Variants in TRAPPC3 observed in about 807,000 individuals in gnomAD.
TRAPPC3 encodes the protein trafficking protein particle complex 3.
Under a neutral mutation model 18.2 loss-of-function variants are expected in TRAPPC3, and 5 were observed. The observed-to-expected ratio is 0.28, with a 90% CI of 0.14 to 0.58. The LOEUF is 0.58. TRAPPC3 is among the 20% of genes least tolerant of loss of function. The pLI is 0.91. For synonymous variants in TRAPPC3, 65 were observed against 84.2 expected (o/e 0.77, Z 1.25); for missense variants, 176 against 225.9 (o/e 0.78, Z 1.41).
chr1:36,147,846 C>G (rs1286620609), intron 1 of TRAPPC3, among the ~76,000 whole-genome samples: 1 of 152,058 alleles, frequency 6.6e-6, no homozygotes, highest in Non-Finnish European at 1.5e-5. Flanking sequence ...CCTTACTTCA[C>G]TGAAACGAAG....
At chr1:36,155,041 T>G (rs1422674214) in intron 1 of TRAPPC3, among the ~76,000 whole-genome samples, 1 of 152,150 alleles carries the variant, frequency 6.6e-6, no homozygotes, top group African/African-American at 2.4e-5. Context: ...CTGGAGCTGC[T>G]TAAAGGAAGG....
chr1:36,137,347 G>C (rs746494667), intron 4 of TRAPPC3, 25 bp from the exon 5 acceptor site: 12 of 1,598,590 alleles, frequency 7.5e-6, no homozygotes, highest in African/African-American at 1.3e-5. Flanking sequence ...GAAAACGAAG[G>C]GGTAGCTGCC....
chr1:36,153,887 C>A (rs1644290823), upstream of TRAPPC3, among the ~76,000 whole-genome samples: 1 of 152,228 alleles, frequency 6.6e-6, no homozygotes, highest in Non-Finnish European at 1.5e-5. Context: ...TCTTCAACAG[C>A]TCCCCATGCT....
intron 4 of TRAPPC3, 165 bp downstream of exon 4, chr1:36,137,631 T>A (rs1000030864): frequency 5.3e-6 from 4 of 754,970 alleles, no homozygotes; most frequent in African/African-American, 1.8e-5. Flanking sequence ...AGTATCACCA[T>A]GTAAAGATGT....
intron 1 of TRAPPC3, 180 bp from the exon 2 acceptor site, chr1:36,140,346 G>A: frequency 2.2e-6 from 1 of 459,978 alleles, no homozygotes; most frequent in Non-Finnish European, 3.8e-6. Flanking sequence ...CAGCAGGGCT[G>A]CAGCCAGAAC....
At position 36,136,696 on chromosome 1, in the gene TRAPPC3, G is replaced by C. The variant is rs1046968698; in HGVS notation, c.*507C>G. On this transcript the variant is annotated 3_prime_UTR_variant, in exon 5 of 5. Coordinates refer to ENST00000373166, the MANE Select transcript of TRAPPC3 (RefSeq NM_014408.5). ...GGAATGAGACCTGGGTGGCTTCCCA[G>C]AAGTCAGTGTTTCCGGCATGACTGG... is the stretch of plus-strand genomic sequence containing the variant. 2 of 152,754 alleles carry C rather than the reference G, an allele frequency of 1.3e-5. No homozygotes were observed. The highest frequency in any genetic ancestry group is 2.4e-5 in the African/African-American group (1 of 41,454). The allele number at this position is 152,754 out of a possible 1,614,324, so 9.5% of individuals were successfully genotyped here.
chr1:36,140,037 T>C (rs1644084483), intron 2 of TRAPPC3, 32 bp downstream of exon 2: 2 of 1,555,928 alleles, frequency 1.3e-6, no homozygotes, highest in East Asian at 2.2e-5. Flanking sequence ...GGAGGCCCCA[T>C]TTCTGTCTCT....
At chr1:36,150,263 C>CGCATAAAAG (rs1391652511), upstream of TRAPPC3, among the ~76,000 whole-genome samples, 1 of 152,196 alleles carries the variant, frequency 6.6e-6, no homozygotes, top group Non-Finnish European at 1.5e-5. Flanking sequence ...AGCACTTGGG[C>CGCATAAAAG]GCATAAAAGG....
chr1:36,154,648 C>T (rs950371860), intron 1 of TRAPPC3, among the ~76,000 whole-genome samples: 3 of 152,170 alleles, frequency 2.0e-5, no homozygotes, highest in African/African-American at 7.2e-5. Flanking sequence ...TCATCAATGC[C>T]TTCATCACCA....
At chr1:36,150,213 T>C (rs1644258158), upstream of TRAPPC3, among the ~76,000 whole-genome samples, 1 of 152,136 alleles carries the variant, frequency 6.6e-6, no homozygotes, top group Non-Finnish European at 1.5e-5. Context: ...TTGCTAAATC[T>C]CTCTCAGTTG....
chr1:36,149,669 C>G (rs966101801), upstream of TRAPPC3, among the ~76,000 whole-genome samples: 1 of 152,260 alleles, frequency 6.6e-6, no homozygotes. Context: ...CTGGTAGAGC[C>G]CAGCTTGCGC....
At chr1:36,144,309 A>AAAAAAAAG (rs1553181270) in intron 1 of TRAPPC3, among the ~76,000 whole-genome samples, 41 of 143,732 alleles carry the variant, frequency 2.9e-4, no homozygotes, top group African/African-American at 1.1e-3. Context: ...AAAAAAAAAA[A>AAAAAAAAG]GGGAGGGCAA....
At chr1:36,143,572 C>G (rs1208925816) in intron 1 of TRAPPC3, among the ~76,000 whole-genome samples, 1 of 152,192 alleles carries the variant, frequency 6.6e-6, no homozygotes, top group Admixed American at 6.5e-5. Context: ...TCATAAAGGT[C>G]AACCAGCCCA....
At chr1:36,147,856 G>A (rs1008634433) in intron 1 of TRAPPC3, among the ~76,000 whole-genome samples, 1 of 152,102 alleles carries the variant, frequency 6.6e-6, no homozygotes, top group Non-Finnish European at 1.5e-5. Flanking sequence ...CTGAAACGAA[G>A]AATACTGGGG....
chr1:36,139,543 C>T (rs1401273066), intron 3 of TRAPPC3, 177 bp downstream of exon 3: 1 of 768,828 alleles, frequency 1.3e-6, no homozygotes, highest in Non-Finnish European at 2.0e-6. Flanking sequence ...CTTTAATCCA[C>T]AGGGATTAAA....
upstream of TRAPPC3, among the ~76,000 whole-genome samples, chr1:36,151,909 G>T (rs1198294337): frequency 2.0e-5 from 3 of 152,156 alleles, no homozygotes; most frequent in African/African-American, 7.2e-5. Context: ...ACAGGGAGGG[G>T]CAGCTGGCAT....
intron 1 of TRAPPC3, among the ~76,000 whole-genome samples, chr1:36,146,244 A>C (rs1644196883): frequency 6.8e-6 from 1 of 146,778 alleles, no homozygotes; most frequent in South Asian, 2.2e-4. Context: ...ACACCCAGCT[A>C]ATTTTTGTAT....
intron 1 of TRAPPC3, chr1:36,149,025 C>T: frequency 4.0e-6 from 5 of 1,261,482 alleles, no homozygotes; most frequent in Non-Finnish European, 4.1e-6. Context: ...GATGCTGTAA[C>T]GTGCGTGGCC....
chr1:36,150,951 C>T (rs566437668), upstream of TRAPPC3, among the ~76,000 whole-genome samples: 1 of 152,312 alleles, frequency 6.6e-6, no homozygotes, highest in East Asian at 1.9e-4. Context: ...TGCCGGCTGC[C>T]CTTGGCTGCC....
Sources: allele counts gnomAD v4.1 joint callset (sites outside exome capture counted in the v4.1 genomes callset), GRCh38; gene constraint gnomAD v4.1.1; transcripts MANE v1.5; gene names NCBI Gene and HGNC (gene_info 2026-07-23, HGNC 2026-07-21).